ADAM7: variants seen among roughly 807,000 people sequenced by gnomAD.
ADAM7 encodes the protein ADAM metallopeptidase domain 7.
In ADAM7, 97 loss-of-function variants were observed where a neutral mutation model predicts 102.9. That is an observed-to-expected ratio of 0.94 (90% CI 0.80 to 1.12). ADAM7 has a LOEUF of 1.12. ADAM7 is among the 50% of genes most tolerant of loss of function. The pLI is 0.00. For synonymous variants in ADAM7, 334 were observed against 304.4 expected, an observed-to-expected ratio of 1.10 and a Z score of -1.01; for missense variants, 991 against 908.7, an observed-to-expected ratio of 1.09 and a Z score of -1.16.
chr8:24,478,169 G>A (rs968686876), intron 8 of ADAM7, among the ~76,000 whole-genome samples: 2 of 152,124 alleles, frequency 1.3e-5, no homozygotes, highest in Non-Finnish European at 2.9e-5. Context: ...AATCAGGCCT[G>A]GGGATCTCAG....
chr8:24,449,793 T>C (rs889174095), intron 3 of ADAM7, among the ~76,000 whole-genome samples: 2 of 152,254 alleles, frequency 1.3e-5, no homozygotes, highest in African/African-American at 4.8e-5. Context: ...GTCTAAAGTT[T>C]AAGTCTTTAA....
At chr8:24,468,244 G>A (rs1399808365) in intron 6 of ADAM7, among the ~76,000 whole-genome samples, 1 of 151,580 alleles carries the variant, frequency 6.6e-6, no homozygotes, top group Non-Finnish European at 1.5e-5. Context: ...GTTACAGATG[G>A]ATGTTTTTCA....
intron 7 of ADAM7, among the ~76,000 whole-genome samples, chr8:24,470,769 C>T (rs1819577675): frequency 6.6e-6 from 1 of 152,094 alleles, no homozygotes. Flanking sequence ...GTACGGTACA[C>T]AATGCTTGAT....
intron 7 of ADAM7, 113 bp downstream of exon 7, chr8:24,468,933 T>G (rs1819518325): frequency 9.6e-7 from 1 of 1,038,330 alleles, no homozygotes; most frequent in South Asian, 1.8e-5. Flanking sequence ...AGGCTCAAAG[T>G]CCTATTTTTA....
chr8:24,475,211 G>A (rs1055625822), intron 7 of ADAM7, among the ~76,000 whole-genome samples: 6 of 152,106 alleles, frequency 3.9e-5, no homozygotes, highest in African/African-American at 1.4e-4. Flanking sequence ...CCCTCTGATT[G>A]AAACTCACTG....
chr8:24,495,868 A>G (rs1420147324), intron 16 of ADAM7, among the ~76,000 whole-genome samples: 2 of 152,250 alleles, frequency 1.3e-5, no homozygotes, highest in African/African-American at 2.4e-5. Flanking sequence ...ACAATGTGAT[A>G]GAAAAGAAAA....
At chr8:24,465,450 A>G (rs1194239586) in intron 4 of ADAM7, among the ~76,000 whole-genome samples, 1 of 152,226 alleles carries the variant, frequency 6.6e-6, no homozygotes, top group Non-Finnish European at 1.5e-5. Context: ...TTAACAGACT[A>G]TTAAATTTGT....
At chr8:24,505,023 T>C (rs779883195) in intron 20 of ADAM7, among the ~76,000 whole-genome samples, 20 of 152,176 alleles carry the variant, frequency 1.3e-4, no homozygotes, top group Non-Finnish European at 2.2e-4. Flanking sequence ...ATGATGCTAA[T>C]GTAATTCTCA....
chr8:24,449,403 G>GTGAC (rs2129374288), intron 3 of ADAM7, among the ~76,000 whole-genome samples: 1 of 152,326 alleles, frequency 6.6e-6, no homozygotes, highest in East Asian at 1.9e-4. Flanking sequence ...CTGATGGCCA[G>GTGAC]TGACGGTGAG....
rs140420892 is a variant in ADAM7, at chr8:24,493,347, A to G, written c.1842+118A>G. The stretch of plus-strand genomic sequence containing the variant: ...ATATGGAAAAGGAAAAAATATTGAC[A>G]AGTATTTTTTTAATGAGGAGCAGAG... On this transcript the variant is annotated intron_variant, in intron 16 of 21. Transcript: ENST00000175238. 4 of 912,360 alleles carry G rather than the reference A, an allele frequency of 4.4e-6. No homozygotes were observed. The East Asian group carries it at 1.2e-4, about 28-fold the overall frequency. 56.5% of individuals were successfully genotyped at this position (912,360 alleles called of 1,614,324 possible). A position where few individuals can be genotyped will look rare whatever the true frequency, so the allele number is the denominator to read the frequency against.
intron 15 of ADAM7, among the ~76,000 whole-genome samples, chr8:24,492,834 G>A (rs542285691): frequency 6.6e-6 from 1 of 152,198 alleles, no homozygotes; most frequent in Admixed American, 6.5e-5. Context: ...GAAATCCAAA[G>A]GAAATATGAT....
At chr8:24,490,185 A>G (rs549057402) in intron 12 of ADAM7, 108 of 152,500 alleles carry the variant, frequency 7.1e-4, no homozygotes, top group African/African-American at 2.3e-3. Flanking sequence ...GGTTATAAGA[A>G]TGTCTTCAAA....
chr8:24,487,339 G>T (rs1364428580), intron 11 of ADAM7, 22 bp downstream of exon 11: 1 of 1,611,346 alleles, frequency 6.2e-7, no homozygotes, highest in South Asian at 1.1e-5. Flanking sequence ...ACAATGTACA[G>T]AATACACTTA....
At chr8:24,508,415 G>T in intron 21 of ADAM7, 131 bp from the exon 22 acceptor site, 1 of 867,284 alleles carries the variant, frequency 1.2e-6, no homozygotes, top group Non-Finnish European at 1.8e-6. Context: ...ATCTATAAAA[G>T]CATGAATAAA....
Position 24,466,950 on chromosome 8 carries a change from C to G in ADAM7, c.541C>G (p.Pro181Ala), listed in dbSNP as rs1471632840. 3 of 1,613,724 alleles carry G rather than the reference C, an allele frequency of 1.9e-6. No individual in the cohort carries two copies. Among genetic ancestry groups the G allele is most frequent in the Non-Finnish European group, 2.5e-6 (3 of 1,179,908 alleles). ...TELNFTRKTV[P>A]GDNESEEDSK... ...GCTTAATTTTACCAGAAAAACTGTTCCAGGGGATAATGAATCTGAAGAAGA... is the reference window on the plus strand; with the variant it reads ...GCTTAATTTTACCAGAAAAACTGTTGCAGGGGATAATGAATCTGAAGAAGA... The change falls in exon 6 of 22, where the codon CCA becomes GCA. Residue 181 changes from proline to alanine, a missense_variant. Physicochemically the swap from Pro to Ala is conservative, Grantham distance 27. Coordinates refer to ENST00000175238, the MANE Select transcript of ADAM7 (RefSeq NM_003817.4).
At chr8:24,497,110 G>T (rs1820586637) in intron 16 of ADAM7, among the ~76,000 whole-genome samples, 1 of 152,120 alleles carries the variant, frequency 6.6e-6, no homozygotes, top group Non-Finnish European at 1.5e-5. Context: ...GAGATCTGAT[G>T]GTTATTATAA....
intron 3 of ADAM7, among the ~76,000 whole-genome samples, chr8:24,456,707 G>A (rs1819048734): frequency 6.7e-6 from 1 of 148,484 alleles, no homozygotes; most frequent in Non-Finnish European, 1.5e-5. Flanking sequence ...CACACTACAT[G>A]TACTCTTTTG....
chr8:24,478,801 T>C (rs960403392), intron 8 of ADAM7, among the ~76,000 whole-genome samples: 1 of 152,186 alleles, frequency 6.6e-6, no homozygotes, highest in Non-Finnish European at 1.5e-5. Flanking sequence ...TGTTCTTTAA[T>C]GTTTTATTGG....
At chr8:24,445,480 C>T (rs555534010) in intron 2 of ADAM7, among the ~76,000 whole-genome samples, 4 of 152,274 alleles carry the variant, frequency 2.6e-5, no homozygotes, top group South Asian at 2.1e-4. Context: ...TGGGCTTAGT[C>T]TTGACTACTC....
Sources: allele counts gnomAD v4.1 joint callset (sites outside exome capture counted in the v4.1 genomes callset), GRCh38; gene constraint gnomAD v4.1.1; transcripts MANE v1.5; gene names NCBI Gene and HGNC (gene_info 2026-07-23, HGNC 2026-07-21).